LINGO2: variants seen among roughly 807,000 people sequenced by gnomAD.
LINGO2 encodes the protein leucine rich repeat and Ig domain containing 2, also known as leucine-rich repeat and immunoglobulin-like domain-containing nogo receptor-interacting protein 2.
In LINGO2, 14 loss-of-function variants were observed where a neutral mutation model predicts 30.6. The ratio of observed to expected loss-of-function variants is 0.46; its 90% confidence interval spans 0.30 to 0.72. The LOEUF is 0.72. LINGO2 is among the 30% of genes least tolerant of loss of function. The pLI is 0.07. For missense variants in LINGO2, 729 were observed against 751.7 expected, an observed-to-expected ratio of 0.97 and a Z score of 0.35; for synonymous variants, 317 against 288.5, an observed-to-expected ratio of 1.10 and a Z score of -1.00.
the LINGO2 span, among the ~76,000 whole-genome samples, chr9:28,847,254 CAG>C: frequency 6.8e-6 from 1 of 148,092 alleles, no homozygotes; most frequent in Non-Finnish European, 1.5e-5. Context: ...AATAAGGAAA[CAG>C]ATATCTTTAT....
At chr9:28,099,741 A>G (rs1826355265) in intron 4 of LINGO2, among the ~76,000 whole-genome samples, 1 of 152,188 alleles carries the variant, frequency 6.6e-6, no homozygotes, top group Non-Finnish European at 1.5e-5. Context: ...ATTGATTCAC[A>G]CTGATAAAAT....
chr9:28,701,031 C>G, the LINGO2 span, among the ~76,000 whole-genome samples: 43 of 151,976 alleles, frequency 2.8e-4, no homozygotes, highest in Middle Eastern at 0.01. Flanking sequence ...GACTTTTAAG[C>G]ATTCTTTGTG....
At chr9:29,133,388 A>G in the LINGO2 span, among the ~76,000 whole-genome samples, 1 of 152,140 alleles carries the variant, frequency 6.6e-6, no homozygotes, top group Non-Finnish European at 1.5e-5. Context: ...ATGTGGGTTA[A>G]TCATTATCAC....
chr9:28,657,981 T>C (rs902518705), intron 1 of LINGO2, among the ~76,000 whole-genome samples: 2 of 152,066 alleles, frequency 1.3e-5, no homozygotes, highest in African/African-American at 4.8e-5. Context: ...TTTTTCCAAT[T>C]TCCTCTGTGA....
intron 1 of LINGO2, among the ~76,000 whole-genome samples, chr9:28,526,512 T>C (rs1821045541): frequency 6.6e-6 from 1 of 152,190 alleles, no homozygotes; most frequent in Admixed American, 6.5e-5. Flanking sequence ...ACCTACCCTA[T>C]GATAGCAAGA....
At chr9:28,991,099 A>G in the LINGO2 span, among the ~76,000 whole-genome samples, 3 of 152,210 alleles carry the variant, frequency 2.0e-5, no homozygotes, top group African/African-American at 7.2e-5. Flanking sequence ...CCAAAGGCAA[A>G]GAAGTTAAAA....
At chr9:28,803,915 G>A in the LINGO2 span, among the ~76,000 whole-genome samples, 7,052 of 152,010 alleles carry the variant, frequency 0.046, 216 homozygotes, top group Non-Finnish European at 0.068. Flanking sequence ...AATAAGGTCT[G>A]TTCTCCATTT....
At chr9:27,973,610 GA>G (rs1820455825) in intron 5 of LINGO2, among the ~76,000 whole-genome samples, 2 of 152,182 alleles carry the variant, frequency 1.3e-5, no homozygotes, top group Admixed American at 6.5e-5. Flanking sequence ...TGTTTCCTAG[GA>G]AAGAGAGTCA....
At chr9:28,011,891 C>A (rs1052814677) in intron 5 of LINGO2, among the ~76,000 whole-genome samples, 1 of 152,180 alleles carries the variant, frequency 6.6e-6, no homozygotes, top group African/African-American at 2.4e-5. Context: ...TGTATGCCAA[C>A]AACTGCCCTG....
chr9:28,301,549 C>T (rs1824143780), intron 3 of LINGO2, among the ~76,000 whole-genome samples: 1 of 152,148 alleles, frequency 6.6e-6, no homozygotes, highest in Non-Finnish European at 1.5e-5. Context: ...GAAGATGACA[C>T]TTCCCTAGAT....
chr9:29,103,584 T>A, the LINGO2 span, among the ~76,000 whole-genome samples: 7 of 152,144 alleles, frequency 4.6e-5, no homozygotes, highest in Admixed American at 2.6e-4. Flanking sequence ...ATTTTAGGTA[T>A]TTAAATACTT....
the LINGO2 span, among the ~76,000 whole-genome samples, chr9:29,063,703 G>C: frequency 0.4 from 60,928 of 151,854 alleles, 12,409 homozygotes; most frequent in East Asian, 0.55. Context: ...ACCCGGCCCT[G>C]ATTCCACATA....
the LINGO2 span, among the ~76,000 whole-genome samples, chr9:28,891,961 C>G: frequency 6.6e-6 from 1 of 151,842 alleles, no homozygotes; most frequent in Non-Finnish European, 1.5e-5. Context: ...ATTCATGTTA[C>G]TACCTCTTTG....
the LINGO2 span, among the ~76,000 whole-genome samples, chr9:29,115,780 A>T: frequency 6.6e-6 from 1 of 151,998 alleles, no homozygotes; most frequent in Admixed American, 6.6e-5. Flanking sequence ...AATAAAATCA[A>T]TTTTCTTGGA....
chr9:28,640,629 G>T (rs992592673), intron 1 of LINGO2, among the ~76,000 whole-genome samples: 3 of 151,642 alleles, frequency 2.0e-5, no homozygotes, highest in Non-Finnish European at 4.4e-5. Flanking sequence ...GGCTACTGAG[G>T]CTTGTGCATT....
intron 1 of LINGO2, among the ~76,000 whole-genome samples, chr9:28,659,833 A>T (rs528927144): frequency 6.6e-6 from 1 of 152,250 alleles, no homozygotes; most frequent in Middle Eastern, 3.4e-3. Flanking sequence ...ATAACTGGTA[A>T]CTTACAATCA....
At chr9:28,107,437 A>C (rs974496280) in intron 4 of LINGO2, among the ~76,000 whole-genome samples, 1 of 152,078 alleles carries the variant, frequency 6.6e-6, no homozygotes, top group African/African-American at 2.4e-5. Context: ...CTTGTAGCTC[A>C]ATTATTGGTT....
At chr9:28,206,865 T>G (rs1447857098) in intron 4 of LINGO2, among the ~76,000 whole-genome samples, 2 of 152,144 alleles carry the variant, frequency 1.3e-5, no homozygotes, top group Admixed American at 6.6e-5. Context: ...CCCAACCCAG[T>G]TATCATACAA....
the LINGO2 span, among the ~76,000 whole-genome samples, chr9:29,168,196 A>C: frequency 6.6e-6 from 1 of 151,916 alleles, no homozygotes; most frequent in African/African-American, 2.4e-5. Context: ...CTGTTTCCTC[A>C]TCTCTAAAAC....
Sources: gnomAD v4.1 joint callset for allele counts (sites outside exome capture counted in the v4.1 genomes callset) on GRCh38, gnomAD v4.1.1 for gene constraint, MANE v1.5 for transcripts, NCBI Gene and HGNC (gene_info 2026-07-23, HGNC 2026-07-21) for gene names.